The following SCTR variants were observed in gnomAD, a reference collection of about 807,000 sequenced individuals.
The protein encoded by SCTR is pancreatic secretin receptor.
Under a neutral mutation model 60.8 loss-of-function variants are expected in SCTR, and 56 were observed. The ratio of observed to expected loss-of-function variants is 0.92; its 90% CI spans 0.74 to 1.15. The LOEUF is 1.15. SCTR is among the 50% of genes most tolerant of loss of function. The probability of loss-of-function intolerance (pLI) is 0.00; values close to 1 mark genes in which losing one functional copy is unlikely to be tolerated. For missense variants in SCTR, 562 were observed against 550.4 expected (o/e 1.02, Z -0.21); for synonymous variants, 202 against 217.0 (o/e 0.93, Z 0.61).
chr2:119,479,185 G>A lies in SCTR; in HGVS notation c.194-267C>T, dbSNP rs144484933. ...AAGGGAAGAAGGAAAGAAGGAAGGC[G>A]CCCTCTCCTATAAGCTTTGCAAGTA... is the stretch of plus-strand genomic sequence containing the variant. On this transcript the variant is annotated intron_variant, in intron 2 of 12. Coordinates refer to ENST00000019103, the MANE Select transcript of SCTR (RefSeq NM_002980.3). The A allele has an allele frequency of 7.4e-5, 73 of 982,116 alleles. No homozygotes were observed. In the East Asian group the frequency reaches 2.9e-3, roughly 38 times the overall value. The allele number at this position is 982,116 out of a possible 1,614,324, so 60.8% of individuals were successfully genotyped here. A position where few individuals can be genotyped will look rare whatever the true frequency, so the allele number is the denominator to read the frequency against.
At chr2:119,520,742 A>C (rs1171232195) in intron 1 of SCTR, among the ~76,000 whole-genome samples, 1 of 152,170 alleles carries the variant, frequency 6.6e-6, no homozygotes, top group South Asian at 2.1e-4. Flanking sequence ...TTCTCCACAG[A>C]AGTCCTTTGT....
chr2:119,448,287 T>A (rs1053866737), intron 10 of SCTR, among the ~76,000 whole-genome samples: 3 of 152,238 alleles, frequency 2.0e-5, no homozygotes, highest in Non-Finnish European at 4.4e-5. Context: ...CTCTTTAACA[T>A]TTGAAAGGTC....
chr2:119,441,107 G>T (rs1682641142), intron 12 of SCTR, among the ~76,000 whole-genome samples: 1 of 152,168 alleles, frequency 6.6e-6, no homozygotes, highest in Non-Finnish European at 1.5e-5. Flanking sequence ...GGATTGAGCT[G>T]CAGACAGTTC....
chr2:119,463,615 CCAACTG>C (rs1232638544), intron 6 of SCTR, among the ~76,000 whole-genome samples: 56 of 152,254 alleles, frequency 3.7e-4, no homozygotes, highest in Middle Eastern at 6.8e-3. Flanking sequence ...AAAAGGAATC[CCAACTG>C]ACACACAGGG....
At chr2:119,445,818 T>C (rs1234389584) in intron 11 of SCTR, among the ~76,000 whole-genome samples, 1 of 152,166 alleles carries the variant, frequency 6.6e-6, no homozygotes, top group East Asian at 1.9e-4. Context: ...CTCCCTATCA[T>C]ACTTATGACC....
intron 1 of SCTR, among the ~76,000 whole-genome samples, chr2:119,520,334 T>TA (rs550866932): frequency 5.3e-5 from 8 of 152,058 alleles, no homozygotes; most frequent in African/African-American, 1.4e-4. Context: ...GACCCATCTC[T>TA]AAAAAAATTA....
intron 4 of SCTR, among the ~76,000 whole-genome samples, chr2:119,473,043 C>T (rs1268702220): frequency 6.6e-6 from 1 of 152,212 alleles, no homozygotes; most frequent in Non-Finnish European, 1.5e-5. Flanking sequence ...AACACCATTT[C>T]CCAGATGAAG....
intron 1 of SCTR, among the ~76,000 whole-genome samples, chr2:119,507,358 T>C (rs1039416003): frequency 1.3e-5 from 2 of 152,208 alleles, no homozygotes; most frequent in African/African-American, 4.8e-5. Context: ...GAAAATATTA[T>C]GAAAATTATC....
intron 1 of SCTR, among the ~76,000 whole-genome samples, chr2:119,499,744 A>G (rs995671915): frequency 2.6e-5 from 4 of 151,934 alleles, no homozygotes; most frequent in African/African-American, 7.2e-5. Context: ...TAATGAAAAA[A>G]CTCTCAGAAA....
chr2:119,464,530 G>T (rs148169191), intron 5 of SCTR, among the ~76,000 whole-genome samples: 1 of 151,948 alleles, frequency 6.6e-6, no homozygotes, highest in African/African-American at 2.4e-5. Flanking sequence ...AAGGCAGGAA[G>T]ATCACTTGAG....
intron 12 of SCTR, among the ~76,000 whole-genome samples, chr2:119,440,940 A>G (rs1480115963): frequency 6.6e-6 from 1 of 152,202 alleles, no homozygotes; most frequent in Non-Finnish European, 1.5e-5. Context: ...AACCAGATAG[A>G]TGGTCAGTAG....
chr2:119,455,629 G>A lies in SCTR; in HGVS notation c.791-2282C>T, dbSNP rs560923112. ...GCATATGATAACCACAATTAAACAC[G>A]CAATAGACGGGTTGGAAGATAAAGA... On this transcript the variant is annotated intron_variant, in intron 7 of 12. Transcript: ENST00000019103. 1.5e-3 allele frequency among the ~76,000 whole-genome samples: 222 copies of A among 152,260 alleles called. 1 individual carries two copies. The highest frequency in any genetic ancestry group is 5.3e-3 in the African/African-American group (219 of 41,546).
Position 119,458,305 on chromosome 2 carries a change from T to TG in SCTR, c.790+3541dup, listed in dbSNP as rs1558843338. Among the ~76,000 whole-genome samples, 4 of 134,444 alleles carry TG rather than the reference T, an allele frequency of 3.0e-5. No individual in the cohort carries two copies. In the East Asian group the frequency reaches 8.6e-4, roughly 29 times the overall value. 88.2% of individuals were successfully genotyped at this position (134,444 alleles called of 152,430 possible). A position where few individuals can be genotyped will look rare whatever the true frequency, so the allele number is the denominator to read the frequency against. Reference sequence around the variant, plus strand: ...TGGGTGACAAAGAGAGACCCTATCTTGAAAAAAAAAAAAAAGCCGGGCGTG... The same window carrying TG: ...TGGGTGACAAAGAGAGACCCTATCTTGGAAAAAAAAAAAAAAGCCGGGCGTG... On this transcript the variant is annotated intron_variant, in intron 7 of 12. Coordinates refer to ENST00000019103, the MANE Select transcript of SCTR (RefSeq NM_002980.3).
At chr2:119,486,922 G>A (rs1208707446) in intron 2 of SCTR, 1 of 152,262 alleles carries the variant, frequency 6.6e-6, no homozygotes, top group African/African-American at 2.4e-5. Flanking sequence ...CGGGGGCCAG[G>A]CAACTCCAGA....
chr2:119,463,097 A>G (rs1683682915), intron 6 of SCTR, among the ~76,000 whole-genome samples: 1 of 152,102 alleles, frequency 6.6e-6, no homozygotes, highest in African/African-American at 2.4e-5. Flanking sequence ...AACTCTGAAC[A>G]ATACAAACAG....
intron 3 of SCTR, among the ~76,000 whole-genome samples, chr2:119,474,127 C>T (rs996824430): frequency 6.6e-6 from 1 of 152,224 alleles, no homozygotes; most frequent in South Asian, 2.1e-4. Flanking sequence ...GAGACCACCA[C>T]AGTCCTCCGG....
intron 7 of SCTR, among the ~76,000 whole-genome samples, chr2:119,456,030 C>G (rs1473735112): frequency 6.6e-6 from 1 of 151,454 alleles, no homozygotes; most frequent in Non-Finnish European, 1.5e-5. Context: ...AACACAAGAC[C>G]CTCAAAATTC....
At chr2:119,472,237 C>T (rs1677053241) in intron 4 of SCTR, among the ~76,000 whole-genome samples, 1 of 152,198 alleles carries the variant, frequency 6.6e-6, no homozygotes, top group Non-Finnish European at 1.5e-5. Context: ...GAGGCCAACA[C>T]CAGGCTCTAA....
chr2:119,479,037 C>A lies in SCTR; in HGVS notation c.194-119G>T, dbSNP rs72834805. ...AATTCCCACTAGACTACTTTCAAAG[C>A]TCTCATTAGGTGCTGACTCCTCAGG... On this transcript the variant is annotated intron_variant, in intron 2 of 12. Transcript: ENST00000019103. 4.6e-6 allele frequency: 7 copies of A among 1,509,200 alleles called. No homozygotes were observed. In the Admixed American group the frequency reaches 1.5e-4, roughly 32 times the overall value. 93.5% of individuals were successfully genotyped at this position (1,509,200 alleles called of 1,614,324 possible).
Sources: gnomAD v4.1 joint callset for allele counts (sites outside exome capture counted in the v4.1 genomes callset) on GRCh38, gnomAD v4.1.1 for gene constraint, MANE v1.5 for transcripts, NCBI Gene and HGNC (gene_info 2026-07-23, HGNC 2026-07-21) for gene names.